The following TCF7 variants were observed in gnomAD, a reference collection of about 807,000 sequenced individuals.
TCF7 encodes transcription factor 7.
Under a neutral mutation model 46.8 loss-of-function variants are expected in TCF7, and 19 were observed. The observed-to-expected ratio is 0.41, with a 90% confidence interval of 0.28 to 0.60. TCF7 has a LOEUF of 0.60. Ranked by LOEUF, TCF7 falls within the 20% of genes least tolerant of loss-of-function variation. TCF7 has a pLI of 0.35. For missense variants in TCF7, 547 were observed against 504.6 expected (o/e 1.08, Z -0.81); for synonymous variants, 245 against 213.4 (o/e 1.15, Z -1.29).
chr5:134,115,644 C>T (rs1034123850), intron 2 of TCF7: 2 of 1,431,952 alleles, frequency 1.4e-6, no homozygotes, highest in South Asian at 1.5e-5. Context: ...ACTGACTAAT[C>T]CGCCGCCTTC....
upstream of TCF7, among the ~76,000 whole-genome samples, chr5:134,112,904 G>C (rs1755355248): frequency 1.3e-5 from 2 of 152,174 alleles, no homozygotes; most frequent in African/African-American, 2.4e-5. Context: ...TGGGTCTGGG[G>C]ACAGCTATTC....
chr5:134,112,492 C>T (rs547817558), upstream of TCF7, among the ~76,000 whole-genome samples: 1 of 152,234 alleles, frequency 6.6e-6, no homozygotes, highest in Admixed American at 6.5e-5. Flanking sequence ...CCCACTCTCC[C>T]TACTCACCCA....
chr5:134,140,547 G>A (rs1759583440), intron 5 of TCF7: 1 of 332,910 alleles, frequency 3.0e-6, no homozygotes, highest in Non-Finnish European at 5.9e-6. Context: ...AACAGAAGCA[G>A]GCTGGAGGGG....
intron 3 of TCF7, among the ~76,000 whole-genome samples, chr5:134,125,549 A>G (rs1001907542): frequency 6.6e-6 from 1 of 152,242 alleles, no homozygotes; most frequent in Non-Finnish European, 1.5e-5. Flanking sequence ...CCAAGGCAGA[A>G]TGTCTGGGAG....
upstream of TCF7, among the ~76,000 whole-genome samples, chr5:134,110,707 C>T (rs1055374360): frequency 1.3e-5 from 2 of 152,218 alleles, no homozygotes; most frequent in African/African-American, 2.4e-5. Context: ...CAGGAAGAGA[C>T]GCCGCTCACA....
the TCF7 span, among the ~76,000 whole-genome samples, chr5:134,108,660 C>G: frequency 6.6e-6 from 1 of 152,070 alleles, no homozygotes; most frequent in African/African-American, 2.4e-5. Context: ...AGAGGGCAGA[C>G]AGGGAGAGCC....
At chr5:134,120,405 A>G (rs998191020) in intron 3 of TCF7, among the ~76,000 whole-genome samples, 8 of 151,950 alleles carry the variant, frequency 5.3e-5, no homozygotes, top group African/African-American at 1.9e-4. Context: ...TCAGCTTCCC[A>G]TTGCTCTTGC....
intron 9 of TCF7, chr5:134,145,317 AAC>A (rs1408343989): frequency 3.7e-6 from 2 of 539,402 alleles, no homozygotes; most frequent in African/African-American, 1.9e-5. Context: ...AGGTGACAAC[AAC>A]ACAGAACCAT....
upstream of TCF7, among the ~76,000 whole-genome samples, chr5:134,110,863 A>C (rs555376173): frequency 1.3e-5 from 2 of 152,394 alleles, no homozygotes; most frequent in African/African-American, 4.8e-5. Context: ...AGAAAAGGAA[A>C]GGAAATGTAT....
Position 134,140,806 on chromosome 5 carries a change from C to T in TCF7, c.636-1379C>T, listed in dbSNP as rs1335173036. 1.3e-5 allele frequency: 6 copies of T among 455,750 alleles called. No homozygotes were observed. In the Admixed American group the frequency reaches 1.4e-4, roughly 11 times the overall value. The allele number at this position is 455,750 out of a possible 1,614,324, so 28.2% of individuals were successfully genotyped here. A position where few individuals can be genotyped will look rare whatever the true frequency, so the allele number is the denominator to read the frequency against. ...CTCTCCCAACCACAGGCCCAGCCCT[C>T]CTCTCTACCCCCTGTCCCCTTCCTG... On this transcript the variant is annotated intron_variant, in intron 5 of 9. Transcript: ENST00000342854.
At position 134,147,973 on chromosome 5, in the gene TCF7, CAAAAAAAAAAA is replaced by C. The variant is rs57382538; in HGVS notation, c.*1684_*1694del. 5 of 48,174 alleles carry C rather than the reference CAAAAAAAAAAA, an allele frequency of 1.0e-4. No homozygotes were observed. Among genetic ancestry groups the C allele is most frequent in the South Asian group, 1.1e-3 (1 of 926 alleles). The allele number at this position is 48,174 out of a possible 1,614,324, so 3.0% of individuals were successfully genotyped here. A position where few individuals can be genotyped will look rare whatever the true frequency, so the allele number is the denominator to read the frequency against. On this transcript the variant is annotated 3_prime_UTR_variant, in exon 10 of 10. Transcript: ENST00000342854. ...TCTGGGTAACAGGGAGACTGCATCT[CAAAAAAAAAAA>C]AAAAAAAAAAAAAGGGCTGTCCATG...
intron 5 of TCF7, chr5:134,141,162 A>C (rs1208063408): frequency 5.6e-6 from 1 of 179,970 alleles, no homozygotes; most frequent in South Asian, 9.5e-5. Context: ...ATGTGTGTGC[A>C]CTCACCTCTG....
chr5:134,136,499 T>TGC (rs972538769), intron 3 of TCF7, among the ~76,000 whole-genome samples: 7 of 152,150 alleles, frequency 4.6e-5, no homozygotes, highest in Admixed American at 3.3e-4. Flanking sequence ...GTGAAGGCTG[T>TGC]AGCCCGGAGG....
At chr5:134,110,295 C>T (rs920574003), upstream of TCF7, among the ~76,000 whole-genome samples, 3 of 152,072 alleles carry the variant, frequency 2.0e-5, no homozygotes, top group Non-Finnish European at 2.9e-5. Flanking sequence ...GTATGAAGTC[C>T]GAGGGATGGA....
chr5:134,127,586 T>C (rs1318218561), intron 3 of TCF7, among the ~76,000 whole-genome samples: 1 of 152,222 alleles, frequency 6.6e-6, no homozygotes, highest in Non-Finnish European at 1.5e-5. Flanking sequence ...ATGGCTGGAC[T>C]GAGGCAGCTG....
At chr5:134,127,251 G>T (rs1196229359) in intron 3 of TCF7, among the ~76,000 whole-genome samples, 1 of 152,194 alleles carries the variant, frequency 6.6e-6, no homozygotes, top group South Asian at 2.1e-4. Context: ...CCTGGGTCAG[G>T]GATGACCCCT....
In TCF7 at chr5:134,143,100, C is replaced by T. The variant is rs557452673; in HGVS notation, c.1026C>T (p.Tyr342=). The stretch of plus-strand genomic sequence containing the variant: ...CAGGCTGGTCAGCGCGGGACAACTA[C>T]GTGAGTGCCTAGTGACACACAGCAG... ...LYPGWSARDN[Y]GKKKRRSREK... Residue 342 remains tyrosine, a splice_region_variant and synonymous_variant, in exon 8 of 10, where the codon TAC becomes TAT. Transcript: ENST00000342854. 40 of 1,600,820 alleles carry T rather than the reference C, an allele frequency of 2.5e-5. No homozygotes were observed. The East Asian group carries it at 7.0e-4, about 28-fold the overall frequency.
chr5:134,133,429 G>A (rs1758435404), intron 3 of TCF7, among the ~76,000 whole-genome samples: 1 of 152,046 alleles, frequency 6.6e-6, no homozygotes, highest in South Asian at 2.1e-4. Flanking sequence ...CAGGGGAGGG[G>A]GGCTTCAGTC....
chr5:134,122,672 C>G (rs1451468074), intron 3 of TCF7, among the ~76,000 whole-genome samples: 2 of 152,226 alleles, frequency 1.3e-5, no homozygotes, highest in Non-Finnish European at 2.9e-5. Flanking sequence ...AGGCAAGCCG[C>G]AGCCCCCCTG....
Sources: allele counts gnomAD v4.1 joint callset (sites outside exome capture counted in the v4.1 genomes callset), GRCh38; gene constraint gnomAD v4.1.1; transcripts MANE v1.5; gene names NCBI Gene and HGNC (gene_info 2026-07-23, HGNC 2026-07-21).